The following CCAR1 variants were observed in gnomAD, a reference collection of about 807,000 sequenced individuals.
The protein encoded by CCAR1 is cell division cycle and apoptosis regulator 1.
A neutral mutation model predicts 163.8 loss-of-function variants in CCAR1; 78 were observed. The observed-to-expected ratio is 0.48, with a 90% CI of 0.40 to 0.57. The LOEUF (loss-of-function observed/expected upper bound fraction) is 0.57. Among genes scored for constraint, CCAR1 ranks in the 20% least tolerant of loss-of-function variants. The pLI, the probability that CCAR1 is intolerant of heterozygous loss-of-function variation, is 0.00. For missense variants in CCAR1, 1,019 were observed against 1,365.2 expected, an observed-to-expected ratio of 0.75 and a Z score of 4.00; for synonymous variants, 443 against 460.7, an observed-to-expected ratio of 0.96 and a Z score of 0.49.
At chr10:68,761,282 T>C (rs1284215261) in intron 16 of CCAR1, 90 bp downstream of exon 16, 5 of 543,904 alleles carry the variant, frequency 9.2e-6, no homozygotes, top group African/African-American at 2.0e-5. Context: ...TATGTGTGTG[T>C]AAGCTTTTAT....
At chr10:68,785,828 GAC>G (rs1261143110) in intron 19 of CCAR1, among the ~76,000 whole-genome samples, 1 of 152,148 alleles carries the variant, frequency 6.6e-6, no homozygotes, top group African/African-American at 2.4e-5. Flanking sequence ...AGATATTCTG[GAC>G]ATTTCTTATA....
At chr10:68,778,179 A>G (rs1323025195) in intron 19 of CCAR1, among the ~76,000 whole-genome samples, 1 of 151,820 alleles carries the variant, frequency 6.6e-6, no homozygotes, top group Admixed American at 6.6e-5. Context: ...TTGTGCCACT[A>G]CGTTCCAGCC....
rs772722630 is a variant in CCAR1 at position 68,791,288 on chromosome 10, G to A, written c.*22G>A. ...ATGATAAAATCCATGTAGTGATGAG[G>A]AATGGTGTTAAATAATGTAATATAT... On this transcript the variant is annotated 3_prime_UTR_variant, in exon 25 of 25. Coordinates refer to ENST00000265872, the MANE Select transcript of CCAR1 (RefSeq NM_018237.4). 64 of 1,519,234 alleles carry A rather than the reference G, an allele frequency of 4.2e-5. No homozygotes were observed. Among genetic ancestry groups the A allele is most frequent in the South Asian group, 9.5e-5 (8 of 84,056 alleles). 94.1% of individuals were successfully genotyped at this position (1,519,234 alleles called of 1,614,324 possible). A position where few individuals can be genotyped will look rare whatever the true frequency, so the allele number is the denominator to read the frequency against.
At chr10:68,729,560 C>T (rs1306059806) in intron 2 of CCAR1, among the ~76,000 whole-genome samples, 1 of 151,928 alleles carries the variant, frequency 6.6e-6, no homozygotes, top group Non-Finnish European at 1.5e-5. Flanking sequence ...TGAGCCACCG[C>T]GCCCGGCTCT....
At chr10:68,744,313 G>A (rs2056224346) in intron 6 of CCAR1, among the ~76,000 whole-genome samples, 1 of 152,178 alleles carries the variant, frequency 6.6e-6, no homozygotes, top group Admixed American at 6.5e-5. Flanking sequence ...CGTGTCTAAT[G>A]ACGTAGCATA....
intron 2 of CCAR1, among the ~76,000 whole-genome samples, chr10:68,735,432 C>A (rs898536434): frequency 1.5e-5 from 2 of 137,634 alleles, no homozygotes; most frequent in Admixed American, 8.0e-5. Context: ...GAAAATCCCT[C>A]ATAGGATTAT....
intron 4 of CCAR1, among the ~76,000 whole-genome samples, chr10:68,738,592 TTTTATTTTTTTTTC>T (rs2056143338): frequency 2.6e-5 from 4 of 151,692 alleles, no homozygotes; most frequent in South Asian, 2.1e-4. Flanking sequence ...GGCTTTCAGC[TTTTATTTTTTTTTC>T]TTTATTTTTT....
At chr10:68,726,113 T>TAAAAA (rs747643778) in intron 2 of CCAR1, among the ~76,000 whole-genome samples, 1 of 93,646 alleles carries the variant, frequency 1.1e-5, no homozygotes. Context: ...GACCCTGTCC[T>TAAAAA]AAAAAAAAAA....
chr10:68,742,822 G>C (rs552767444), intron 6 of CCAR1, among the ~76,000 whole-genome samples: 1 of 152,054 alleles, frequency 6.6e-6, no homozygotes, highest in Non-Finnish European at 1.5e-5. Flanking sequence ...TCACCATGTC[G>C]GCCAGATTGG....
chr10:68,728,954 A>G (rs76473409), intron 2 of CCAR1, among the ~76,000 whole-genome samples: 3 of 144,484 alleles, frequency 2.1e-5, no homozygotes, highest in Non-Finnish European at 4.6e-5. Context: ...TCCGTCCCAG[A>G]AAAAAAAAAA....
chr10:68,729,787 G>A (rs1303586934), intron 2 of CCAR1, among the ~76,000 whole-genome samples: 3 of 151,886 alleles, frequency 2.0e-5, no homozygotes, highest in Non-Finnish European at 4.4e-5. Flanking sequence ...CTTTTTTATA[G>A]TGGGGTCTTG....
intron 2 of CCAR1, among the ~76,000 whole-genome samples, chr10:68,727,557 T>TG (rs2055967228): frequency 6.6e-6 from 1 of 152,194 alleles, no homozygotes; most frequent in Non-Finnish European, 1.5e-5. Context: ...GATTCTAGGA[T>TG]GGTATTCAAG....
In CCAR1 at chr10:68,754,066, T is replaced by C. The variant is rs750503732; in HGVS notation, c.1333T>C (p.Tyr445His). The C allele has an allele frequency of 3.1e-6, 5 of 1,610,736 alleles. No homozygotes were observed. The highest frequency in any genetic ancestry group is 2.2e-5 in the East Asian group (1 of 44,844). Residue 445 changes from tyrosine (Y) to histidine (H), a missense_variant, in exon 11 of 25, where the codon TAC becomes CAC. Physicochemically the swap from Tyr to His is moderately conservative, Grantham distance 83 (BLOSUM62 2). Transcript: ENST00000265872. Reference sequence around the variant, plus strand: ...TGATCCACCAGATGCTGACCACTTATACAGTGCAAAGGTTTGTATTCAGCT... The same window carrying C: ...TGATCCACCAGATGCTGACCACTTACACAGTGCAAAGGTTTGTATTCAGCT... ...ILDPPDADHL[Y>H]SAKVMLMASP...
chr10:68,783,472 C>T (rs2056760810), intron 19 of CCAR1, among the ~76,000 whole-genome samples: 1 of 152,014 alleles, frequency 6.6e-6, no homozygotes, highest in African/African-American at 2.4e-5. Flanking sequence ...CGTTCCTGGC[C>T]TCATCCATGT....
intron 19 of CCAR1, among the ~76,000 whole-genome samples, chr10:68,781,979 T>C (rs188787879): frequency 1.3e-4 from 20 of 152,306 alleles, no homozygotes; most frequent in African/African-American, 4.6e-4. Context: ...AGCTAGTTTT[T>C]TTGGCGTCAG....
At chr10:68,767,705 C>T (rs146545516) in intron 17 of CCAR1, among the ~76,000 whole-genome samples, 18 of 152,244 alleles carry the variant, frequency 1.2e-4, no homozygotes, top group East Asian at 3.9e-4. Context: ...CTGCCAGCCC[C>T]GGCTAATTTT....
At chr10:68,738,945 A>C (rs564882450) in intron 4 of CCAR1, among the ~76,000 whole-genome samples, 1 of 152,222 alleles carries the variant, frequency 6.6e-6, no homozygotes, top group Non-Finnish European at 1.5e-5. Context: ...AAATAAATAA[A>C]ATGTGGGAGA....
chr10:68,739,741 C>G (rs1382542010), intron 4 of CCAR1, among the ~76,000 whole-genome samples: 1 of 152,122 alleles, frequency 6.6e-6, no homozygotes, highest in Non-Finnish European at 1.5e-5. Context: ...GCAAAAATTG[C>G]AATACTCATT....
chr10:68,737,345 A>G (rs2056124558), intron 3 of CCAR1, among the ~76,000 whole-genome samples: 1 of 151,930 alleles, frequency 6.6e-6, no homozygotes, highest in South Asian at 2.1e-4. Flanking sequence ...TCTGCAGAAA[A>G]CACGAGAATT....
Sources: allele counts gnomAD v4.1 joint callset (sites outside exome capture counted in the v4.1 genomes callset), GRCh38; gene constraint gnomAD v4.1.1; transcripts MANE v1.5; gene names NCBI Gene and HGNC (gene_info 2026-07-23, HGNC 2026-07-21).